The following USH2A variants were observed in gnomAD, a reference collection of about 807,000 sequenced individuals.
USH2A encodes the protein Usher syndrome 2A (autosomal recessive, mild).
USH2A carries 443 observed loss-of-function variants against 538.9 expected under a neutral mutation model. The observed-to-expected ratio is 0.82, with a 90% CI of 0.76 to 0.89. USH2A has a LOEUF of 0.89. Ranked by LOEUF, USH2A falls within the 40% of genes least tolerant of loss-of-function variation. The pLI is 0.00. For synonymous variants in USH2A, 2,413 were observed against 2,273.5 expected, an observed-to-expected ratio of 1.06 and a Z score of -1.75; for missense variants, 6,633 against 6,324.8, an observed-to-expected ratio of 1.05 and a Z score of -1.65.
At chr1:216,200,179 A>T (rs2034953670) in intron 16 of USH2A, 58 bp from the exon 17 acceptor site, 6 of 1,533,262 alleles carry the variant, frequency 3.9e-6, no homozygotes, top group Non-Finnish European at 5.3e-6. Context: ...GTGAAGAATC[A>T]TTGCTAACTG....
intron 22 of USH2A, 84 bp from the exon 23 acceptor site, chr1:216,089,223 C>A (rs2032231752): frequency 7.1e-7 from 1 of 1,416,122 alleles, no homozygotes; most frequent in Admixed American, 1.7e-5. Flanking sequence ...AACCAATTTA[C>A]AAGTTTCAAG....
intron 35 of USH2A, among the ~76,000 whole-genome samples, chr1:215,989,077 C>T (rs1266832014): frequency 1.3e-5 from 2 of 152,146 alleles, no homozygotes; most frequent in African/African-American, 4.8e-5. Flanking sequence ...TATATTAGAA[C>T]TTTTTATACC....
At chr1:215,946,450 TA>T (rs1205255957) in intron 37 of USH2A, among the ~76,000 whole-genome samples, 4 of 152,002 alleles carry the variant, frequency 2.6e-5, no homozygotes, top group Non-Finnish European at 5.9e-5. Flanking sequence ...GAGGACCAAA[TA>T]AAAAAGGAGA....
At chr1:216,255,154 A>G (rs2036236528) in intron 11 of USH2A, among the ~76,000 whole-genome samples, 1 of 152,168 alleles carries the variant, frequency 6.6e-6, no homozygotes, top group Non-Finnish European at 1.5e-5. Context: ...TTGGTCTTAT[A>G]AATTTGGGTC....
chr1:215,911,244 CTTAAG>C (rs754419740), intron 38 of USH2A, among the ~76,000 whole-genome samples: 10 of 151,846 alleles, frequency 6.6e-5, no homozygotes, highest in Non-Finnish European at 1.3e-4. Context: ...AAAATATACG[CTTAAG>C]TTATTATTGA....
At chr1:216,135,665 G>A (rs189937178) in intron 21 of USH2A, among the ~76,000 whole-genome samples, 4 of 152,134 alleles carry the variant, frequency 2.6e-5, no homozygotes, top group East Asian at 3.9e-4. Flanking sequence ...ACTCTTTTCC[G>A]CTGGGCTTAC....
intron 60 of USH2A, among the ~76,000 whole-genome samples, chr1:215,733,132 T>C (rs182324154): frequency 1.5e-5 from 2 of 137,530 alleles, no homozygotes; most frequent in Admixed American, 8.7e-5. Flanking sequence ...CTTACAACTA[T>C]GATGGAAGGT....
At chr1:216,049,573 C>G (rs1374608795) in intron 30 of USH2A, among the ~76,000 whole-genome samples, 1 of 152,006 alleles carries the variant, frequency 6.6e-6, no homozygotes. Context: ...AAAAGATGGC[C>G]CCACTCGTGG....
intron 44 of USH2A, among the ~76,000 whole-genome samples, chr1:215,862,670 G>A (rs1230642899): frequency 6.6e-6 from 1 of 152,096 alleles, no homozygotes; most frequent in Non-Finnish European, 1.5e-5. Flanking sequence ...GGTATTGAAA[G>A]GACCATGCAC....
rs115213205 is a variant in USH2A, at chr1:216,152,992, G to C, written c.4627+22260C>G. Among the ~76,000 whole-genome samples the C allele has an allele frequency of 2.2e-3, 332 of 152,286 alleles. 1 individual carries two copies. The highest frequency in any genetic ancestry group is 7.8e-3 in the African/African-American group (324 of 41,562). ...AGAAGAAAAGGAGCATCTGAACATT[G>C]AGAGGATTTCGGCTGGGGTTAGTCA... On this transcript the variant is annotated intron_variant, in intron 21 of 71. Coordinates refer to ENST00000307340, the MANE Select transcript of USH2A (RefSeq NM_206933.4).
chr1:215,912,453 G>GTATATATATATATATA (rs780000613), intron 38 of USH2A, among the ~76,000 whole-genome samples: 2 of 42,980 alleles, frequency 4.7e-5, no homozygotes, highest in Admixed American at 3.2e-4. Context: ...GTAGGTATGT[G>GTATATATATATATATA]TATATATATA....
intron 22 of USH2A, among the ~76,000 whole-genome samples, chr1:216,094,155 C>G (rs1377981301): frequency 6.6e-6 from 1 of 152,114 alleles, no homozygotes; most frequent in Non-Finnish European, 1.5e-5. Context: ...CATTGACAGT[C>G]TTCTATTTTA....
chr1:216,203,538 C>G (rs545625617), intron 16 of USH2A, among the ~76,000 whole-genome samples: 6 of 151,948 alleles, frequency 3.9e-5, no homozygotes, highest in Non-Finnish European at 5.9e-5. Context: ...GGGAAACTAC[C>G]GCATTAAGAA....
intron 58 of USH2A, among the ~76,000 whole-genome samples, chr1:215,744,150 T>G (rs1660398326): frequency 6.6e-6 from 1 of 152,210 alleles, no homozygotes; most frequent in Admixed American, 6.5e-5. Flanking sequence ...GCCTCCTGTC[T>G]GACATGGATC....
At chr1:216,228,999 C>T (rs558422981) in intron 14 of USH2A, among the ~76,000 whole-genome samples, 1 of 152,022 alleles carries the variant, frequency 6.6e-6, no homozygotes, top group Non-Finnish European at 1.5e-5. Flanking sequence ...TGGTGAAACC[C>T]TGTCTCCACT....
intron 38 of USH2A, among the ~76,000 whole-genome samples, chr1:215,905,993 T>A (rs1665631403): frequency 6.6e-6 from 1 of 152,172 alleles, no homozygotes; most frequent in Non-Finnish European, 1.5e-5. Context: ...GCAAGGGTTT[T>A]AAATTCTACT....
At chr1:216,116,829 A>G (rs373866867) in intron 21 of USH2A, among the ~76,000 whole-genome samples, 1 of 151,516 alleles carries the variant, frequency 6.6e-6, no homozygotes, top group Non-Finnish European at 1.5e-5. Context: ...TTATGACAGA[A>G]GGAAAAAAAA....
At chr1:216,085,224 G>C (rs1007526342) in intron 24 of USH2A, 6 of 270,302 alleles carry the variant, frequency 2.2e-5, no homozygotes, top group African/African-American at 1.3e-4. Context: ...AGATTGGAAG[G>C]GAGTGTTTCT....
intron 56 of USH2A, among the ~76,000 whole-genome samples, chr1:215,760,268 T>C (rs547831495): frequency 6.6e-6 from 1 of 152,146 alleles, no homozygotes; most frequent in Non-Finnish European, 1.5e-5. Context: ...TGCTTCTCTT[T>C]TCCTCTCTGG....
Sources: allele counts gnomAD v4.1 joint callset (sites outside exome capture counted in the v4.1 genomes callset), GRCh38; gene constraint gnomAD v4.1.1; transcripts MANE v1.5; gene names NCBI Gene and HGNC (gene_info 2026-07-23, HGNC 2026-07-21).